The following CKAP5 variants were observed in gnomAD, a reference collection of about 807,000 sequenced individuals.
The protein encoded by CKAP5 is cytoskeleton-associated protein 5.
CKAP5 carries 27 observed loss-of-function variants against 232.8 expected under a neutral mutation model. The ratio of observed to expected loss-of-function variants is 0.12; its 90% CI spans 0.09 to 0.16. The LOEUF is 0.16. Ranked by LOEUF, CKAP5 falls within the 10% of genes least tolerant of loss-of-function variation. The pLI is 1.00. For synonymous variants in CKAP5, 785 were observed against 841.1 expected (o/e 0.93, Z 1.16); for missense variants, 1,838 against 2,424.7 (o/e 0.76, Z 5.08).
intron 13 of CKAP5, 55 bp from the exon 14 acceptor site, chr11:46,790,638 A>G: frequency 8.1e-7 from 1 of 1,238,668 alleles, no homozygotes; most frequent in Non-Finnish European, 1.1e-6. Context: ...AAAATAGTGG[A>G]GTTTTTTATT....
intron 4 of CKAP5, 119 bp from the exon 5 acceptor site, chr11:46,811,297 G>C (rs1452306911): frequency 6.2e-6 from 5 of 809,822 alleles, no homozygotes; most frequent in Non-Finnish European, 9.1e-6. Context: ...TATAAGTTCA[G>C]TTTTTTTTAA....
chr11:46,808,032 T>C lies in CKAP5; in HGVS notation c.977A>G (p.Lys326Arg). The change falls in exon 8 of 44, where the codon AAG becomes AGG. Residue 326 changes from lysine (K) to arginine (R), a missense_variant and splice_region_variant. Physicochemically the swap from Lys to Arg is conservative, Grantham distance 26 (BLOSUM62 2). Coordinates refer to ENST00000529230, the MANE Select transcript of CKAP5 (RefSeq NM_001008938.4). ...AGTACTGCAAGTCCTCATATTTACC[T>C]TCTTTAATGCTTTTACTAAATCTGC... ...DYADLVKALK[K>R]VVGKDTNVML... The C allele has an allele frequency of 6.2e-7, 1 of 1,610,800 alleles. No individual in the cohort carries two copies.
At chr11:46,764,960 A>G (rs2065189357) in intron 28 of CKAP5, among the ~76,000 whole-genome samples, 171 bp downstream of exon 28, 1 of 152,200 alleles carries the variant, frequency 6.6e-6, no homozygotes, top group Non-Finnish European at 1.5e-5. Flanking sequence ...ACTCTATTCT[A>G]TAGTTTCTTT....
At chr11:46,801,347 T>A (rs1472189634) in intron 8 of CKAP5, 43 bp from the exon 9 acceptor site, 1 of 1,405,966 alleles carries the variant, frequency 7.1e-7, no homozygotes, top group Non-Finnish European at 1.0e-6. Flanking sequence ...GTCACAGCCA[T>A]GTAGAAGGGT....
At chr11:46,763,888 T>C (rs1316980899) in intron 28 of CKAP5, among the ~76,000 whole-genome samples, 1 of 152,160 alleles carries the variant, frequency 6.6e-6, no homozygotes, top group East Asian at 1.9e-4. Flanking sequence ...CATGGCAGAG[T>C]GCAGTGGCAT....
rs766752429 is a variant in CKAP5 at position 46,780,430 on chromosome 11, G to C, written c.2305C>G (p.Pro769Ala). ...TATATATGTTGTTATGTACTCACTGGGTTTGTTGCAGCAAGAGCTGTCTTC... is the reference window on the plus strand; with the variant it reads ...TATATATGTTGTTATGTACTCACTGCGTTTGTTGCAGCAAGAGCTGTCTTC... Reference protein sequence around the residue: ...NVKTALAATNPAVRTAAITLL... With the variant: ...NVKTALAATNAAVRTAAITLL... Residue 769 changes from proline to alanine, a missense_variant and splice_region_variant, in exon 19 of 44, where the codon CCA (proline) becomes GCA (alanine). Pro to Ala is a conservative substitution (Grantham distance 27). This residue lies in a region of CKAP5 where 767 missense variants were observed against 954.6 expected (regional missense o/e 0.80). Coordinates refer to ENST00000529230, the MANE Select transcript of CKAP5 (RefSeq NM_001008938.4). The C allele has an allele frequency of 9.3e-6, 15 of 1,613,724 alleles. No homozygotes were observed.
intron 1 of CKAP5, among the ~76,000 whole-genome samples, chr11:46,838,793 CAAA>C (rs71042626): frequency 2.2e-5 from 1 of 45,930 alleles, no homozygotes; most frequent in Non-Finnish European, 3.3e-5. Context: ...GACCCCATCT[CAAA>C]AAAAAAAAAA....
chr11:46,767,300 G>T (rs887583065), intron 27 of CKAP5, among the ~76,000 whole-genome samples: 3 of 152,260 alleles, frequency 2.0e-5, no homozygotes, highest in Non-Finnish European at 4.4e-5. Flanking sequence ...GATTACAGGC[G>T]TGAGCCACTG....
intron 42 of CKAP5, among the ~76,000 whole-genome samples, chr11:46,749,275 A>T (rs12290855): frequency 8.6e-5 from 13 of 151,350 alleles, no homozygotes; most frequent in East Asian, 2.0e-4. Flanking sequence ...GCCAACATGG[A>T]GAAACCCCAT....
At chr11:46,782,154 C>CTA (rs1263747311) in intron 18 of CKAP5, among the ~76,000 whole-genome samples, 19 of 151,834 alleles carry the variant, frequency 1.3e-4, no homozygotes, top group African/African-American at 4.1e-4. Flanking sequence ...GTCTCTCTCT[C>CTA]TCTATATATA....
At chr11:46,770,271 C>T (rs2065236460) in intron 25 of CKAP5, 173 bp from the exon 26 acceptor site, 2 of 655,390 alleles carry the variant, frequency 3.1e-6, no homozygotes, top group Admixed American at 2.7e-5. Context: ...TATGAAGTCA[C>T]ACTAAGGTAG....
chr11:46,790,695 T>C, intron 13 of CKAP5, 112 bp from the exon 14 acceptor site: 1 of 695,740 alleles, frequency 1.4e-6, no homozygotes, highest in Non-Finnish European at 2.4e-6. Flanking sequence ...GAGCCTGGAA[T>C]GCAGCTGCAC....
At chr11:46,774,911 C>G (rs572606884) in intron 24 of CKAP5, among the ~76,000 whole-genome samples, 3 of 152,240 alleles carry the variant, frequency 2.0e-5, no homozygotes, top group African/African-American at 7.2e-5. Flanking sequence ...GAATACCATT[C>G]AGGACATAGG....
At chr11:46,796,696 A>C (rs1368025525) in intron 12 of CKAP5, 116 bp downstream of exon 12, 1 of 1,202,780 alleles carries the variant, frequency 8.3e-7, no homozygotes, top group African/African-American at 1.6e-5. Flanking sequence ...CAATTTAAAA[A>C]AAATCAAGAA....
intron 31 of CKAP5, 69 bp from the exon 32 acceptor site, chr11:46,762,262 G>T: frequency 6.7e-7 from 1 of 1,491,208 alleles, no homozygotes. Context: ...CCTTACTAGA[G>T]AAATTTCCCT....
At chr11:46,764,604 T>A (rs1047716888) in intron 28 of CKAP5, among the ~76,000 whole-genome samples, 2 of 152,178 alleles carry the variant, frequency 1.3e-5, no homozygotes, top group Non-Finnish European at 2.9e-5. Flanking sequence ...GTATAAAATA[T>A]TTCTGGAGTA....
At chr11:46,750,672 T>C in intron 40 of CKAP5, 61 bp from the exon 41 acceptor site, 1 of 1,280,062 alleles carries the variant, frequency 7.8e-7, no homozygotes, top group South Asian at 1.2e-5. Context: ...TAGGAACTGA[T>C]GGTTGGATAT....
At position 46,811,184 on chromosome 11, in the gene CKAP5, A is replaced by G. The variant is rs1341459662; in HGVS notation, c.459-6T>C. On this transcript the variant is annotated splice_region_variant and splice_polypyrimidine_tract_variant and intron_variant, in intron 4 of 43. Coordinates refer to ENST00000529230, the MANE Select transcript of CKAP5 (RefSeq NM_001008938.4). ...TGATTTTGGAACCAAATTCACTACA[A>G]GTAAAAAATTGGGAAAAAACTGTCA... 5.0e-6 allele frequency: 8 copies of G among 1,610,266 alleles called. No individual in the cohort carries two copies. Among genetic ancestry groups the G allele is most frequent in the Non-Finnish European group, 5.9e-6 (7 of 1,178,356 alleles).
chr11:46,773,248 T>C lies in CKAP5; in HGVS notation c.2992-2266A>G, dbSNP rs2065262999. Among the ~76,000 whole-genome samples the C allele has an allele frequency of 2.6e-5, 4 of 152,180 alleles. No individual in the cohort carries two copies. The South Asian group carries it at 6.2e-4, about 24-fold the overall frequency. On this transcript the variant is annotated intron_variant, in intron 24 of 43. Coordinates refer to ENST00000529230, the MANE Select transcript of CKAP5 (RefSeq NM_001008938.4). The stretch of plus-strand genomic sequence containing the variant: ...GATTACTCTGATGGATTTTTGAATG[T>C]TCTATTTTTTTTTTTTTTGAGACGA...
Sources: allele counts gnomAD v4.1 joint callset (sites outside exome capture counted in the v4.1 genomes callset), GRCh38; gene constraint gnomAD v4.1.1; regional missense constraint gnomAD v4.1.1; transcripts MANE v1.5; gene names NCBI Gene and HGNC (gene_info 2026-07-23, HGNC 2026-07-21).